The following SOBP variants were observed in gnomAD, a reference collection of about 807,000 sequenced individuals.
SOBP encodes sine oculis binding protein homolog, also known as sine oculis-binding protein homolog.
Under a neutral mutation model 53.6 loss-of-function variants are expected in SOBP, and 4 were observed. That is an observed-to-expected ratio of 0.07 (90% confidence interval 0.04 to 0.17). The LOEUF (loss-of-function observed/expected upper bound fraction) is 0.17, where lower values mean the gene tolerates loss of function less well. Ranked by LOEUF, SOBP falls within the 10% of genes least tolerant of loss-of-function variation. The pLI, the probability that SOBP is intolerant of heterozygous loss-of-function variation, is 1.00. For missense variants in SOBP, 1,088 were observed against 1,204.7 expected, an observed-to-expected ratio of 0.90 and a Z score of 1.43; for synonymous variants, 584 against 522.6, an observed-to-expected ratio of 1.12 and a Z score of -1.60.
intron 5 of SOBP, among the ~76,000 whole-genome samples, chr6:107,597,005 G>T (rs1785970202): frequency 6.6e-6 from 1 of 152,168 alleles, no homozygotes; most frequent in Non-Finnish European, 1.5e-5. Flanking sequence ...GTTTTTTGGT[G>T]TTCTGATCTC....
At chr6:107,493,457 G>A (rs1782627131) in intron 1 of SOBP, among the ~76,000 whole-genome samples, 1 of 152,228 alleles carries the variant, frequency 6.6e-6, no homozygotes, top group African/African-American at 2.4e-5. Context: ...AAATGGAAAA[G>A]TCAGCCTGGG....
At chr6:107,530,021 G>A (rs1489112855) in intron 3 of SOBP, among the ~76,000 whole-genome samples, 1 of 152,088 alleles carries the variant, frequency 6.6e-6, no homozygotes. Flanking sequence ...ATTTAATGCT[G>A]TAAACATTTT....
intron 4 of SOBP, among the ~76,000 whole-genome samples, chr6:107,583,831 G>A (rs552284573): frequency 2.0e-5 from 3 of 152,222 alleles, no homozygotes; most frequent in Non-Finnish European, 4.4e-5. Context: ...GGGACCAGAA[G>A]TGTTTGGGAT....
chr6:107,510,669 T>C (rs1783144331), intron 3 of SOBP: 1 of 152,220 alleles, frequency 6.6e-6, no homozygotes, highest in Non-Finnish European at 1.5e-5. Flanking sequence ...ATTTTAACTC[T>C]TCCATTGCTA....
At chr6:107,574,765 T>C (rs2115042841) in intron 4 of SOBP, among the ~76,000 whole-genome samples, 1 of 152,268 alleles carries the variant, frequency 6.6e-6, no homozygotes, top group African/African-American at 2.4e-5. Context: ...CTGGTGGGCC[T>C]AGGATTTGGG....
At chr6:107,548,445 T>G (rs1413303442) in intron 4 of SOBP, among the ~76,000 whole-genome samples, 2 of 152,040 alleles carry the variant, frequency 1.3e-5, no homozygotes, top group Non-Finnish European at 2.9e-5. Flanking sequence ...GGTTTCATTG[T>G]GTTAGCCAGG....
At chr6:107,629,889 A>G (rs944389516) in intron 5 of SOBP, among the ~76,000 whole-genome samples, 9 of 152,226 alleles carry the variant, frequency 5.9e-5, no homozygotes, top group African/African-American at 9.6e-5. Context: ...GACTGCTGTT[A>G]TAGGGTTGAA....
chr6:107,577,639 A>T (rs374044901), intron 4 of SOBP, among the ~76,000 whole-genome samples: 1 of 152,220 alleles, frequency 6.6e-6, no homozygotes, highest in South Asian at 2.1e-4. Flanking sequence ...AATATTGATG[A>T]TGTTTTTAGA....
chr6:107,611,184 GCCAATAAC>G (rs1562099367), intron 5 of SOBP, among the ~76,000 whole-genome samples: 2 of 152,248 alleles, frequency 1.3e-5, no homozygotes, highest in African/African-American at 2.4e-5. Context: ...GGAGGCCTGT[GCCAATAAC>G]TGAGAACCGA....
intron 1 of SOBP, among the ~76,000 whole-genome samples, chr6:107,496,452 T>C (rs78485275): frequency 0.011 from 1,677 of 152,314 alleles, 24 homozygotes; most frequent in African/African-American, 0.038. Flanking sequence ...CCACATGATT[T>C]TGGTTTCATA....
chr6:107,607,080 G>T (rs972720017), intron 5 of SOBP, among the ~76,000 whole-genome samples: 1 of 152,190 alleles, frequency 6.6e-6, no homozygotes, highest in African/African-American at 2.4e-5. Flanking sequence ...TCCCAGGGAC[G>T]TGCTCTGGGT....
chr6:107,550,445 C>T (rs1438362957), intron 4 of SOBP, among the ~76,000 whole-genome samples: 2 of 152,154 alleles, frequency 1.3e-5, no homozygotes, highest in Admixed American at 1.3e-4. Flanking sequence ...ATTCAACAAG[C>T]AATATTGAGC....
intron 2 of SOBP, 112 bp downstream of exon 2, chr6:107,503,907 G>A: frequency 2.3e-6 from 3 of 1,306,654 alleles, no homozygotes; most frequent in Non-Finnish European, 3.3e-6. Context: ...TTATGCCAAT[G>A]GTTGATTTAA....
chr6:107,612,349 C>G (rs1189650203), intron 5 of SOBP, among the ~76,000 whole-genome samples: 1 of 152,138 alleles, frequency 6.6e-6, no homozygotes, highest in Non-Finnish European at 1.5e-5. Flanking sequence ...GTTGACCTTG[C>G]TATACATTCA....
intron 2 of SOBP, 133 bp from the exon 3 acceptor site, chr6:107,506,109 G>C (rs1782984583): frequency 1.3e-6 from 1 of 773,110 alleles, no homozygotes; most frequent in East Asian, 2.7e-5. Flanking sequence ...TGGAGTTCTA[G>C]TACATTGTTT....
intron 1 of SOBP, among the ~76,000 whole-genome samples, chr6:107,496,965 C>A (rs992752603): frequency 6.6e-6 from 1 of 152,152 alleles, no homozygotes; most frequent in African/African-American, 2.4e-5. Context: ...CAGACTCAGC[C>A]CTGGGCCAGG....
chr6:107,537,584 G>T (rs1784035338), intron 4 of SOBP, among the ~76,000 whole-genome samples: 1 of 152,196 alleles, frequency 6.6e-6, no homozygotes, highest in African/African-American at 2.4e-5. Flanking sequence ...ACTTTGGGAG[G>T]TGGAGGTAGG....
chr6:107,505,812 G>A (rs1427238817), intron 2 of SOBP, among the ~76,000 whole-genome samples: 6 of 151,718 alleles, frequency 4.0e-5, no homozygotes, highest in South Asian at 2.1e-4. Flanking sequence ...CACCATGCCC[G>A]GCTAAGTTTT....
intron 5 of SOBP, among the ~76,000 whole-genome samples, chr6:107,596,827 TCACCACCACCAC>T (rs758522000): frequency 1.7e-4 from 26 of 152,082 alleles, no homozygotes; most frequent in African/African-American, 6.3e-4. Flanking sequence ...CCCTTATCCA[TCACCACCACCAC>T]CACCACCACC....
Sources: allele counts gnomAD v4.1 joint callset (sites outside exome capture counted in the v4.1 genomes callset), GRCh38; gene constraint gnomAD v4.1.1; transcripts MANE v1.5; gene names NCBI Gene and HGNC (gene_info 2026-07-23, HGNC 2026-07-21).